VPS41: variants seen among roughly 807,000 people sequenced by gnomAD.
The protein encoded by VPS41 is vacuolar protein sorting-associated protein 41 homolog.
In VPS41, 85 loss-of-function variants were observed where a neutral mutation model predicts 130.9. That is an observed-to-expected ratio of 0.65 (90% CI 0.55 to 0.78). The LOEUF is 0.78. Ranked by LOEUF, VPS41 falls within the 30% of genes least tolerant of loss-of-function variation. VPS41 has a pLI of 0.00. For missense variants in VPS41, 874 were observed against 1,018.7 expected, an observed-to-expected ratio of 0.86 and a Z score of 1.93; for synonymous variants, 335 against 332.9, an observed-to-expected ratio of 1.01 and a Z score of -0.07.
intron 4 of VPS41, among the ~76,000 whole-genome samples, chr7:38,844,422 T>A (rs117644959): frequency 1.3e-5 from 2 of 152,264 alleles, no homozygotes; most frequent in Admixed American, 1.3e-4. Flanking sequence ...GGAAACTTGT[T>A]AGGAAACTTT....
At chr7:38,739,402 A>C (rs1795839484) in intron 25 of VPS41, among the ~76,000 whole-genome samples, 1 of 152,252 alleles carries the variant, frequency 6.6e-6, no homozygotes, top group Admixed American at 6.5e-5. Flanking sequence ...AAAATAAAAA[A>C]AGAATAAAAT....
intron 8 of VPS41, among the ~76,000 whole-genome samples, chr7:38,796,218 C>T (rs1229102402): frequency 6.6e-6 from 1 of 152,144 alleles, no homozygotes; most frequent in Non-Finnish European, 1.5e-5. Context: ...AAAAGATATG[C>T]CAGATGTCAA....
intron 9 of VPS41, 66 bp from the exon 10 acceptor site, chr7:38,789,933 G>C: frequency 6.5e-7 from 1 of 1,527,744 alleles, no homozygotes; most frequent in Non-Finnish European, 9.1e-7. Context: ...ATTTTATTCA[G>C]TATATGGTAT....
chr7:38,752,013 T>C (rs1783684187), intron 22 of VPS41, among the ~76,000 whole-genome samples, 163 bp downstream of exon 22: 1 of 152,248 alleles, frequency 6.6e-6, no homozygotes, highest in Non-Finnish European at 1.5e-5. Flanking sequence ...TCTCCTTTTC[T>C]TGACAGAATG....
chr7:38,732,324 G>A (rs184598730), intron 25 of VPS41, among the ~76,000 whole-genome samples: 21 of 152,208 alleles, frequency 1.4e-4, no homozygotes, highest in African/African-American at 1.7e-4. Flanking sequence ...GAAATTCCTG[G>A]GTCATGGAGT....
chr7:38,850,931 G>A (rs1329584185), intron 4 of VPS41, among the ~76,000 whole-genome samples: 2 of 152,098 alleles, frequency 1.3e-5, no homozygotes, highest in African/African-American at 4.8e-5. Context: ...TCAGACTGCT[G>A]GCAGGAACAT....
chr7:38,843,637 G>A (rs1389456342), intron 4 of VPS41, among the ~76,000 whole-genome samples: 1 of 151,456 alleles, frequency 6.6e-6, no homozygotes, highest in Non-Finnish European at 1.5e-5. Context: ...AGCCGAGATA[G>A]CACCACTGCA....
At chr7:38,883,624 G>A (rs1240316329) in intron 2 of VPS41, among the ~76,000 whole-genome samples, 1 of 151,054 alleles carries the variant, frequency 6.6e-6, no homozygotes, top group East Asian at 2.0e-4. Context: ...TAGCATCTAG[G>A]ATATAAAAGT....
chr7:38,771,069 G>T (rs1030779068), intron 14 of VPS41, 129 bp downstream of exon 14: 2 of 709,450 alleles, frequency 2.8e-6, no homozygotes, highest in African/African-American at 3.6e-5. Flanking sequence ...TGATCTCATA[G>T]GTTAGGGAAT....
At chr7:38,790,003 T>C (rs1319571016) in intron 9 of VPS41, 136 bp from the exon 10 acceptor site, 8 of 755,438 alleles carry the variant, frequency 1.1e-5, no homozygotes, top group Non-Finnish European at 1.7e-5. Flanking sequence ...ATGACTTAAA[T>C]GACAGAAATT....
chr7:38,877,867 C>T (rs1786523810), intron 2 of VPS41, among the ~76,000 whole-genome samples: 1 of 152,168 alleles, frequency 6.6e-6, no homozygotes, highest in South Asian at 2.1e-4. Context: ...TCTAGCTCTC[C>T]CACCAACCCT....
intron 23 of VPS41, among the ~76,000 whole-genome samples, chr7:38,743,982 T>C (rs186039811): frequency 3.9e-5 from 6 of 152,320 alleles, no homozygotes; most frequent in Admixed American, 3.9e-4. Context: ...CAGATACACT[T>C]AAAATGTTTA....
At position 38,776,656 on chromosome 7, in the gene VPS41, G is replaced by GT. The variant is rs756584087; in HGVS notation, c.882+22dup. On this transcript the variant is annotated intron_variant, in intron 11 of 28. Transcript: ENST00000310301. ...TAAAAGTGAACCCCCACATGCCTTT[G>GT]TATCTGGGGAGAAAATAATTACCGT... The GT allele has an allele frequency of 6.4e-6, 9 of 1,411,010 alleles. No individual in the cohort carries two copies. In the African/African-American group the frequency reaches 1.3e-4, roughly 20 times the overall value. The allele number at this position is 1,411,010 out of a possible 1,614,324, so 87.4% of individuals were successfully genotyped here.
intron 15 of VPS41, 144 bp downstream of exon 15, chr7:38,767,393 A>AT (rs1175099984): frequency 6.7e-6 from 3 of 446,974 alleles, no homozygotes; most frequent in African/African-American, 4.1e-5. Flanking sequence ...AAAAATTATA[A>AT]TTTAAAAATA....
chr7:38,873,285 GT>G (rs915438416), intron 2 of VPS41, among the ~76,000 whole-genome samples: 73 of 148,480 alleles, frequency 4.9e-4, no homozygotes, highest in African/African-American at 1.2e-3. Context: ...ATTTTTTAAG[GT>G]TTTTTTTTTC....
At chr7:38,906,005 C>T (rs756285834) in intron 1 of VPS41, among the ~76,000 whole-genome samples, 19 of 151,628 alleles carry the variant, frequency 1.3e-4, no homozygotes, top group Non-Finnish European at 2.4e-4. Flanking sequence ...CATGTTGGCC[C>T]GTCTGGTCTC....
At chr7:38,897,289 C>T (rs1316380662) in intron 2 of VPS41, among the ~76,000 whole-genome samples, 1 of 151,220 alleles carries the variant, frequency 6.6e-6, no homozygotes, top group Non-Finnish European at 1.5e-5. Context: ...ATATATTATT[C>T]TCCTTAAGAA....
intron 2 of VPS41, among the ~76,000 whole-genome samples, chr7:38,872,293 G>C (rs989840431): frequency 2.6e-5 from 4 of 152,184 alleles, no homozygotes; most frequent in Admixed American, 2.6e-4. Flanking sequence ...TGATCCAAGA[G>C]GAAACAAAGT....
At chr7:38,886,431 G>T (rs934488168) in intron 2 of VPS41, among the ~76,000 whole-genome samples, 1 of 152,204 alleles carries the variant, frequency 6.6e-6, no homozygotes, top group Non-Finnish European at 1.5e-5. Context: ...CTGGGATGCC[G>T]GAGCTTGGTG....
Sources: allele counts gnomAD v4.1 joint callset (sites outside exome capture counted in the v4.1 genomes callset), GRCh38; gene constraint gnomAD v4.1.1; transcripts MANE v1.5; gene names NCBI Gene and HGNC (gene_info 2026-07-23, HGNC 2026-07-21).